CNTN5: variants seen among roughly 807,000 people sequenced by gnomAD.
CNTN5 encodes the protein contactin 5, also known as contactin-5.
In CNTN5, 77 loss-of-function variants were observed where a neutral mutation model predicts 129.1. The ratio of observed to expected loss-of-function variants is 0.60; its 90% CI spans 0.50 to 0.72. CNTN5 has a LOEUF of 0.72. Ranked by LOEUF, CNTN5 falls within the 30% of genes least tolerant of loss-of-function variation. The pLI is 0.00. For missense variants in CNTN5, 1,478 were observed against 1,328.8 expected (o/e 1.11, Z -1.75); for synonymous variants, 509 against 465.6 (o/e 1.09, Z -1.20).
chr11:99,530,965 G>A (rs1444583333), intron 2 of CNTN5, among the ~76,000 whole-genome samples: 6 of 152,176 alleles, frequency 3.9e-5, no homozygotes, highest in African/African-American at 7.2e-5. Flanking sequence ...CAGTAGAGTC[G>A]GGCGTTGCTG....
At chr11:100,117,385 T>C (rs1240516373) in intron 13 of CNTN5, among the ~76,000 whole-genome samples, 2 of 152,016 alleles carry the variant, frequency 1.3e-5, no homozygotes, top group Non-Finnish European at 2.9e-5. Context: ...CTTGTTATGC[T>C]TCTAGTGTCT....
intron 1 of CNTN5, among the ~76,000 whole-genome samples, chr11:99,070,416 A>G (rs1232678666): frequency 1.3e-5 from 2 of 152,190 alleles, no homozygotes; most frequent in Non-Finnish European, 2.9e-5. Flanking sequence ...AAATGCAAGC[A>G]ATACAGAAAA....
At chr11:100,225,998 T>G (rs1333760040) in intron 16 of CNTN5, among the ~76,000 whole-genome samples, 2 of 152,132 alleles carry the variant, frequency 1.3e-5, no homozygotes, top group Admixed American at 1.3e-4. Flanking sequence ...AAGTGTGTTA[T>G]TGGGTGATTG....
chr11:100,205,851 T>G (rs1342910039), intron 15 of CNTN5, among the ~76,000 whole-genome samples: 2 of 152,092 alleles, frequency 1.3e-5, no homozygotes, highest in Non-Finnish European at 2.9e-5. Context: ...CATTGTGCTA[T>G]GCTGTCCTGA....
At chr11:99,426,688 C>T (rs772486564) in intron 2 of CNTN5, among the ~76,000 whole-genome samples, 34 of 152,146 alleles carry the variant, frequency 2.2e-4, no homozygotes, top group South Asian at 4.1e-4. Context: ...TTAGCCCTTA[C>T]AGTCTCCTGC....
At chr11:99,962,977 T>C (rs1232398170) in intron 8 of CNTN5, among the ~76,000 whole-genome samples, 2 of 152,006 alleles carry the variant, frequency 1.3e-5, no homozygotes, top group Non-Finnish European at 2.9e-5. Context: ...TGTCTGTTCA[T>C]ATCCTTCGCC....
At chr11:99,128,392 T>C (rs565424358) in intron 1 of CNTN5, among the ~76,000 whole-genome samples, 7 of 152,292 alleles carry the variant, frequency 4.6e-5, no homozygotes, top group East Asian at 1.9e-4. Flanking sequence ...AGACTGCTTC[T>C]TTAGGTGGGA....
intron 1 of CNTN5, among the ~76,000 whole-genome samples, chr11:99,301,771 G>T (rs1864651409): frequency 6.6e-6 from 1 of 151,544 alleles, no homozygotes; most frequent in Admixed American, 6.6e-5. Context: ...CCCAATAACA[G>T]AAAAAATGTG....
intron 6 of CNTN5, among the ~76,000 whole-genome samples, chr11:99,882,478 C>G (rs980080466): frequency 6.6e-6 from 1 of 152,116 alleles, no homozygotes; most frequent in Non-Finnish European, 1.5e-5. Flanking sequence ...TAGCCTCAAG[C>G]AAGAACCAGC....
Position 99,753,221 on chromosome 11 carries a change from C to T in CNTN5, c.56-66323C>T, listed in dbSNP as rs187502504. 2.2e-3 allele frequency among the ~76,000 whole-genome samples: 318 copies of T among 141,590 alleles called. 1 individual carries two copies. Among genetic ancestry groups the T allele is most frequent in the Non-Finnish European group, 3.6e-3 (239 of 66,844 alleles). The allele number at this position is 141,590 out of a possible 152,430, so 92.9% of individuals were successfully genotyped here. A position where few individuals can be genotyped will look rare whatever the true frequency, so the allele number is the denominator to read the frequency against. ...CACTGCAAGCGCTGCCTTCCGTGTT[C>T]ATGCCATTCTCCTGCCTCAGCCTCC... On this transcript the variant is annotated intron_variant, in intron 3 of 24. Coordinates refer to ENST00000524871, the MANE Select transcript of CNTN5 (RefSeq NM_014361.4).
At chr11:100,037,925 G>A (rs922486335) in intron 9 of CNTN5, among the ~76,000 whole-genome samples, 9 of 152,072 alleles carry the variant, frequency 5.9e-5, no homozygotes, top group Admixed American at 3.9e-4. Context: ...ACCAGCTCCT[G>A]GATTCATTGA....
chr11:99,986,217 ACT>A (rs1222153529), intron 8 of CNTN5, among the ~76,000 whole-genome samples: 2 of 151,596 alleles, frequency 1.3e-5, no homozygotes, highest in Non-Finnish European at 1.5e-5. Flanking sequence ...TCAGCTCTCA[ACT>A]CTCTATCCCA....
intron 13 of CNTN5, among the ~76,000 whole-genome samples, chr11:100,136,408 CT>C (rs1243199662): frequency 6.6e-6 from 1 of 151,984 alleles, no homozygotes; most frequent in Non-Finnish European, 1.5e-5. Context: ...AGTTCTTTTG[CT>C]TTTCTTCTAA....
chr11:100,307,531 G>C (rs1682341681), intron 20 of CNTN5, among the ~76,000 whole-genome samples: 1 of 151,068 alleles, frequency 6.6e-6, no homozygotes, highest in South Asian at 2.1e-4. Context: ...AAAAAAAATA[G>C]TGTGAAAGGT....
intron 3 of CNTN5, among the ~76,000 whole-genome samples, chr11:99,618,247 T>C (rs1349192142): frequency 3.9e-5 from 6 of 152,172 alleles, no homozygotes; most frequent in African/African-American, 1.4e-4. Flanking sequence ...TATTGATTCA[T>C]TTAAAACAAA....
At chr11:99,814,594 G>T (rs1193130895) in intron 3 of CNTN5, among the ~76,000 whole-genome samples, 1 of 152,134 alleles carries the variant, frequency 6.6e-6, no homozygotes, top group Non-Finnish European at 1.5e-5. Flanking sequence ...ACAGTCCAGG[G>T]TGAAGAGCAG....
chr11:100,064,831 A>G (rs1943633071), intron 10 of CNTN5, among the ~76,000 whole-genome samples: 1 of 152,156 alleles, frequency 6.6e-6, no homozygotes, highest in African/African-American at 2.4e-5. Flanking sequence ...AGAACAAAGT[A>G]AGGAGAAAAG....
chr11:99,843,073 A>G (rs1038549907), intron 4 of CNTN5, among the ~76,000 whole-genome samples: 6 of 152,198 alleles, frequency 3.9e-5, no homozygotes, highest in African/African-American at 1.4e-4. Context: ...TCTACTAAAA[A>G]TACAAAAATT....
At chr11:100,129,827 TTGTGTGTGTGTTTGTGTG>T (rs1946316270) in intron 13 of CNTN5, among the ~76,000 whole-genome samples, 1 of 149,170 alleles carries the variant, frequency 6.7e-6, no homozygotes, top group Non-Finnish European at 1.5e-5. Context: ...TCATATATAT[TTGTGTGTGTGTTTGTGTG>T]TGTGTGTGTG....
Sources: gnomAD v4.1 joint callset for allele counts (sites outside exome capture counted in the v4.1 genomes callset) on GRCh38, gnomAD v4.1.1 for gene constraint, MANE v1.5 for transcripts, NCBI Gene and HGNC (gene_info 2026-07-23, HGNC 2026-07-21) for gene names.